The following LDLRAD4 variants were observed in gnomAD, a reference collection of about 807,000 sequenced individuals.
LDLRAD4 encodes low-density lipoprotein receptor class A domain-containing protein 4.
A neutral mutation model predicts 17.0 loss-of-function variants in LDLRAD4; 5 were observed. That is an observed-to-expected ratio of 0.29 (90% CI 0.15 to 0.62). LDLRAD4 has a LOEUF of 0.62. LDLRAD4 is among the 20% of genes least tolerant of loss of function. LDLRAD4 has a pLI of 0.84. For synonymous variants in LDLRAD4, 168 were observed against 171.8 expected (o/e 0.98, Z 0.17); for missense variants, 340 against 424.7 (o/e 0.80, Z 1.75).
At chr18:13,597,204 T>C (rs2095106071) in intron 3 of LDLRAD4, among the ~76,000 whole-genome samples, 1 of 152,216 alleles carries the variant, frequency 6.6e-6, no homozygotes, top group Admixed American at 6.5e-5. Context: ...TGGTTCACAG[T>C]CTTTTTAAAT....
intron 3 of LDLRAD4, among the ~76,000 whole-genome samples, chr18:13,594,910 T>C (rs1336877936): frequency 6.6e-6 from 1 of 152,110 alleles, no homozygotes; most frequent in Non-Finnish European, 1.5e-5. Context: ...TAATTCAATC[T>C]CTTTACTTGT....
intron 1 of LDLRAD4, among the ~76,000 whole-genome samples, chr18:13,294,739 C>G (rs747425998): frequency 4.0e-5 from 6 of 151,718 alleles, no homozygotes; most frequent in Non-Finnish European, 8.8e-5. Context: ...AGGAAAATTC[C>G]GGTTGCAGAC....
At chr18:13,228,660 G>A (rs1179364334) in intron 1 of LDLRAD4, among the ~76,000 whole-genome samples, 2 of 152,168 alleles carry the variant, frequency 1.3e-5, no homozygotes, top group African/African-American at 4.8e-5. Flanking sequence ...TTTGAGACCA[G>A]CCTGGGCAGC....
At chr18:13,369,675 G>A (rs1599726566) in intron 1 of LDLRAD4, among the ~76,000 whole-genome samples, 2 of 152,346 alleles carry the variant, frequency 1.3e-5, no homozygotes, top group South Asian at 2.1e-4. Flanking sequence ...TGTTTTGAGA[G>A]CCGCCCCTGC....
chr18:13,445,359 C>G (rs2091317520), intron 3 of LDLRAD4, among the ~76,000 whole-genome samples: 1 of 151,424 alleles, frequency 6.6e-6, no homozygotes, highest in Admixed American at 6.6e-5. Flanking sequence ...GTGTGGGTGT[C>G]AGAGAGTGTG....
chr18:13,641,731 G>C (rs1324159097), intron 4 of LDLRAD4: 2 of 984,840 alleles, frequency 2.0e-6, no homozygotes, highest in African/African-American at 3.5e-5. Context: ...GTGCGGCAAG[G>C]GGAGCGGGGC....
At chr18:13,342,590 G>A (rs969634382) in intron 1 of LDLRAD4, among the ~76,000 whole-genome samples, 6 of 113,582 alleles carry the variant, frequency 5.3e-5, no homozygotes, top group Non-Finnish European at 8.9e-5. Context: ...ATTCTTTTTT[G>A]TCCCTTATAA....
At chr18:13,532,694 T>C (rs2094146110) in intron 3 of LDLRAD4, among the ~76,000 whole-genome samples, 1 of 152,252 alleles carries the variant, frequency 6.6e-6, no homozygotes, top group African/African-American at 2.4e-5. Flanking sequence ...TGAATCCACC[T>C]TCATCGGACT....
chr18:13,467,208 T>C (rs2092647103), intron 3 of LDLRAD4, among the ~76,000 whole-genome samples: 1 of 152,084 alleles, frequency 6.6e-6, no homozygotes, highest in Admixed American at 6.5e-5. Flanking sequence ...ATGAAAACTA[T>C]CCCTGTTCAA....
At chr18:13,224,474 CT>C (rs10676168) in intron 1 of LDLRAD4, among the ~76,000 whole-genome samples, 42 of 87,882 alleles carry the variant, frequency 4.8e-4, no homozygotes, top group African/African-American at 1.6e-3. Flanking sequence ...TTCTTTCTTT[CT>C]TTTTTTTTTT....
At chr18:13,450,775 A>C (rs2091782322) in intron 3 of LDLRAD4, among the ~76,000 whole-genome samples, 1 of 152,190 alleles carries the variant, frequency 6.6e-6, no homozygotes, top group South Asian at 2.1e-4. Flanking sequence ...CAGGGAGGCC[A>C]CCATCATGGG....
intron 1 of LDLRAD4, among the ~76,000 whole-genome samples, chr18:13,366,885 G>T (rs528993666): frequency 6.6e-6 from 1 of 152,218 alleles, no homozygotes. Flanking sequence ...CGTGTTTCTT[G>T]TCAGTGCGTT....
At chr18:13,565,849 TAAG>T (rs2094594187) in intron 3 of LDLRAD4, among the ~76,000 whole-genome samples, 1 of 152,222 alleles carries the variant, frequency 6.6e-6, no homozygotes, top group Non-Finnish European at 1.5e-5. Flanking sequence ...GACGGGGCCT[TAAG>T]GAGTTTGTGT....
At chr18:13,324,781 G>T (rs1050376734) in intron 1 of LDLRAD4, among the ~76,000 whole-genome samples, 1 of 152,152 alleles carries the variant, frequency 6.6e-6, no homozygotes, top group Non-Finnish European at 1.5e-5. Context: ...ACCCAAAAAG[G>T]GTTTCGACAA....
At chr18:13,550,793 C>T (rs1165714567) in intron 3 of LDLRAD4, among the ~76,000 whole-genome samples, 7 of 152,172 alleles carry the variant, frequency 4.6e-5, no homozygotes, top group Non-Finnish European at 7.4e-5. Flanking sequence ...GTCCGAGTCC[C>T]GCTGTGAGTG....
chr18:13,383,412 C>T (rs139315594), intron 1 of LDLRAD4, among the ~76,000 whole-genome samples: 83 of 152,142 alleles, frequency 5.5e-4, no homozygotes, highest in Middle Eastern at 3.4e-3. Context: ...CCAGGTGCTG[C>T]GGGTTGTGTA....
At chr18:13,257,773 G>C (rs1218570831) in intron 1 of LDLRAD4, among the ~76,000 whole-genome samples, 1 of 152,246 alleles carries the variant, frequency 6.6e-6, no homozygotes, top group African/African-American at 2.4e-5. Flanking sequence ...CAGGGATGCT[G>C]TTAGACTGCC....
intron 1 of LDLRAD4, among the ~76,000 whole-genome samples, chr18:13,375,548 G>T (rs1340375759): frequency 6.6e-6 from 1 of 152,214 alleles, no homozygotes; most frequent in Non-Finnish European, 1.5e-5. Context: ...GGCCGAAGCT[G>T]AGTGAGATGG....
At position 13,453,102 on chromosome 18, in the gene LDLRAD4, T is replaced by G. The variant is rs574604385; in HGVS notation, c.181+14718T>G. ...GGATTTGCATCATGTGCAAATGAAA[T>G]GCAGGAATCACAGGGACAGTCATCG... On this transcript the variant is annotated intron_variant, in intron 3 of 5. Coordinates refer to ENST00000359446, the Ensembl canonical transcript of LDLRAD4. Among the ~76,000 whole-genome samples the G allele has an allele frequency of 4.6e-5, 7 of 152,300 alleles. No individual in the cohort carries two copies. The East Asian group carries it at 1.4e-3, about 29-fold the overall frequency.
Sources: gnomAD v4.1 joint callset for allele counts (sites outside exome capture counted in the v4.1 genomes callset) on GRCh38, gnomAD v4.1.1 for gene constraint, MANE v1.5 for transcripts, NCBI Gene and HGNC (gene_info 2026-07-23, HGNC 2026-07-21) for gene names.